Variants in HECW2 observed in about 807,000 individuals in gnomAD.
The protein encoded by HECW2 is E3 ubiquitin-protein ligase HECW2.
HECW2 carries 61 observed loss-of-function variants against 175.2 expected under a neutral mutation model. That is an observed-to-expected ratio of 0.35 (90% CI 0.28 to 0.43). The LOEUF is 0.43. Ranked by LOEUF, HECW2 falls within the 20% of genes least tolerant of loss-of-function variation. The pLI is 1.00. For missense variants in HECW2, 1,524 were observed against 2,000.5 expected (o/e 0.76, Z 4.54); for synonymous variants, 671 against 731.0 (o/e 0.92, Z 1.32).
intron 1 of HECW2, among the ~76,000 whole-genome samples, chr2:196,454,334 A>C (rs905264453): frequency 6.6e-6 from 1 of 152,226 alleles, no homozygotes; most frequent in African/African-American, 2.4e-5. Flanking sequence ...GTTTTCACAC[A>C]AAATGTAAAG....
intron 1 of HECW2, among the ~76,000 whole-genome samples, chr2:196,512,640 AC>A (rs559165167): frequency 1.5e-3 from 218 of 149,792 alleles, no homozygotes; most frequent in Non-Finnish European, 2.4e-3. Context: ...TCCTACCGCA[AC>A]CTCTCAAAGT....
At chr2:196,557,320 G>T (rs531103377) in intron 1 of HECW2, among the ~76,000 whole-genome samples, 2 of 151,998 alleles carry the variant, frequency 1.3e-5, no homozygotes, top group African/African-American at 4.8e-5. Context: ...GCTTGAACCT[G>T]GGGGGCGGAG....
At chr2:196,467,374 G>A (rs1474295531) in intron 1 of HECW2, among the ~76,000 whole-genome samples, 1 of 152,094 alleles carries the variant, frequency 6.6e-6, no homozygotes, top group Admixed American at 6.6e-5. Flanking sequence ...TGAGGGGGAG[G>A]GAGAGGAAGG....
intron 19 of HECW2, among the ~76,000 whole-genome samples, chr2:196,249,025 T>C (rs1302698191): frequency 6.6e-6 from 1 of 152,038 alleles, no homozygotes; most frequent in Non-Finnish European, 1.5e-5. Context: ...CAATGTGCAG[T>C]GTATAGGAAA....
At position 196,195,820 on chromosome 2, in the gene HECW2, TG is replaced by T. The variant is rs1686666078; in HGVS notation, c.*5456del. On this transcript the variant is annotated 3_prime_UTR_variant, in exon 29 of 29. Coordinates refer to ENST00000644978, the MANE Select transcript of HECW2 (RefSeq NM_001348768.2). ...TTTTATGCTAAATTGTCAAATCTCCTGATCAAGCTATGGTTAGCTTTAATAC... is the reference window on the plus strand; with the variant it reads ...TTTTATGCTAAATTGTCAAATCTCCTATCAAGCTATGGTTAGCTTTAATAC... 1 of 152,234 alleles carries T rather than the reference TG, an allele frequency of 6.6e-6. No individual in the cohort carries two copies. Among genetic ancestry groups the T allele is most frequent in the African/African-American group, 2.4e-5 (1 of 41,468 alleles). The allele number at this position is 152,234 out of a possible 1,614,324, so 9.4% of individuals were successfully genotyped here. A position where few individuals can be genotyped will look rare whatever the true frequency, so the allele number is the denominator to read the frequency against.
chr2:196,573,761 GA>G (rs1333645312), intron 1 of HECW2, among the ~76,000 whole-genome samples: 1 of 151,624 alleles, frequency 6.6e-6, no homozygotes, highest in Non-Finnish European at 1.5e-5. Flanking sequence ...AGTTCGACAA[GA>G]AAAAGAAATA....
At chr2:196,486,801 T>C (rs1213140347) in intron 1 of HECW2, among the ~76,000 whole-genome samples, 1 of 152,128 alleles carries the variant, frequency 6.6e-6, no homozygotes, top group Non-Finnish European at 1.5e-5. Flanking sequence ...TGATTCCAAA[T>C]ATAAGCTTAG....
intron 2 of HECW2, among the ~76,000 whole-genome samples, chr2:196,347,927 T>C (rs539438931): frequency 2.9e-4 from 44 of 152,344 alleles, no homozygotes; most frequent in African/African-American, 1.0e-3. Flanking sequence ...TAATTGCAAA[T>C]ATGAATCCTG....
At chr2:196,279,239 G>A (rs1189651651) in intron 14 of HECW2, among the ~76,000 whole-genome samples, 3 of 152,138 alleles carry the variant, frequency 2.0e-5, no homozygotes, top group South Asian at 2.1e-4. Context: ...TAGTAGAGAC[G>A]GGGTTTCACT....
chr2:196,224,309 G>T (rs190383921), intron 23 of HECW2, among the ~76,000 whole-genome samples: 3 of 152,280 alleles, frequency 2.0e-5, no homozygotes, highest in African/African-American at 7.2e-5. Flanking sequence ...AGACATCCGA[G>T]TGGAGATATT....
chr2:196,444,468 A>G (rs1696127312), intron 1 of HECW2, among the ~76,000 whole-genome samples: 1 of 152,126 alleles, frequency 6.6e-6, no homozygotes, highest in Non-Finnish European at 1.5e-5. Flanking sequence ...TACATTTTTA[A>G]CCCTTAATGC....
At chr2:196,406,597 A>G (rs1033699034) in intron 2 of HECW2, among the ~76,000 whole-genome samples, 4 of 151,758 alleles carry the variant, frequency 2.6e-5, no homozygotes, top group Non-Finnish European at 5.9e-5. Context: ...TAAAACCCAA[A>G]CTCCTTATGT....
intron 1 of HECW2, among the ~76,000 whole-genome samples, chr2:196,524,261 C>T (rs1214978167): frequency 5.3e-5 from 7 of 131,828 alleles, no homozygotes; most frequent in African/African-American, 1.8e-4. Context: ...AGTTTATTTG[C>T]GTAGAGGTGT....
chr2:196,367,509 T>TAA (rs1431786992), intron 2 of HECW2, among the ~76,000 whole-genome samples: 1 of 152,216 alleles, frequency 6.6e-6, no homozygotes, highest in Non-Finnish European at 1.5e-5. Context: ...ATTATACTCT[T>TAA]AGTTACTTTT....
intron 4 of HECW2, 47 bp downstream of exon 4, chr2:196,334,377 G>T (rs1044548457): frequency 7.1e-7 from 1 of 1,404,286 alleles, no homozygotes; most frequent in Admixed American, 1.9e-5. Flanking sequence ...TAGAAATCAA[G>T]ACCCAGCATG....
Position 196,493,822 on chromosome 2 carries a change from T to C in HECW2, c.-35-60364A>G, listed in dbSNP as rs1444267202. On this transcript the variant is annotated intron_variant, in intron 1 of 28. Coordinates refer to ENST00000644978, the MANE Select transcript of HECW2 (RefSeq NM_001348768.2). ...TTTGGGGGAGGAGGGAGAAGCCTTT[T>C]ATGCTATTGGAAACTGGCTTCCCAA... 4.6e-5 allele frequency among the ~76,000 whole-genome samples: 7 copies of C among 152,202 alleles called. No homozygotes were observed. The East Asian group carries it at 9.6e-4, about 21-fold the overall frequency.
At chr2:196,294,993 T>C (rs1048612140) in intron 13 of HECW2, among the ~76,000 whole-genome samples, 2 of 152,002 alleles carry the variant, frequency 1.3e-5, no homozygotes, top group African/African-American at 4.8e-5. Context: ...TCAAAACAAA[T>C]TAAAGGAAAG....
intron 14 of HECW2, among the ~76,000 whole-genome samples, chr2:196,282,656 T>A (rs533125346): frequency 6.6e-6 from 1 of 152,356 alleles, no homozygotes; most frequent in South Asian, 2.1e-4. Context: ...TGGGTTATGA[T>A]AACGATTGTG....
At chr2:196,206,577 A>G (rs1180622977) in intron 28 of HECW2, among the ~76,000 whole-genome samples, 1 of 152,242 alleles carries the variant, frequency 6.6e-6, no homozygotes, top group Non-Finnish European at 1.5e-5. Flanking sequence ...CACTCGCTGA[A>G]TAAGTACTTA....
Sources: allele counts gnomAD v4.1 joint callset (sites outside exome capture counted in the v4.1 genomes callset), GRCh38; gene constraint gnomAD v4.1.1; transcripts MANE v1.5; gene names NCBI Gene and HGNC (gene_info 2026-07-23, HGNC 2026-07-21).